PHF3: variants seen among roughly 807,000 people sequenced by gnomAD.
PHF3 encodes PHD finger protein 3.
A neutral mutation model predicts 178.4 loss-of-function variants in PHF3; 41 were observed. The observed-to-expected ratio is 0.23, with a 90% CI of 0.18 to 0.30. The LOEUF (loss-of-function observed/expected upper bound fraction) is 0.30. Ranked by LOEUF, PHF3 falls within the 10% of genes least tolerant of loss-of-function variation. PHF3 has a pLI of 1.00. For missense variants in PHF3, 2,346 were observed against 2,398.1 expected (o/e 0.98, Z 0.45); for synonymous variants, 842 against 800.5 (o/e 1.05, Z -0.88).
rs1195516155 is a variant in PHF3, at chr6:63,720,407, A to G, written c.*6699A>G. On this transcript the variant is annotated 3_prime_UTR_variant, in exon 16 of 16. Coordinates refer to ENST00000262043, the MANE Select transcript of PHF3 (RefSeq NM_001370348.2). ...CATGAATCAAAATATATACAGATAA[A>G]TTAGATGTAGGAAAAACAATCAGAA... 1.9e-6 allele frequency: 1 copy of G among 519,114 alleles called. No individual in the cohort carries two copies. The highest frequency in any genetic ancestry group is 3.3e-6 in the Non-Finnish European group (1 of 300,358). 32.2% of individuals were successfully genotyped at this position (519,114 alleles called of 1,614,324 possible).
At chr6:63,681,868 G>A (rs1386142638) in intron 3 of PHF3, among the ~76,000 whole-genome samples, 2 of 152,044 alleles carry the variant, frequency 1.3e-5, no homozygotes, top group African/African-American at 2.4e-5. Context: ...TTCTAAGTGT[G>A]GGGATTGGGT....
In PHF3 at chr6:63,716,093, T is replaced by G. The variant is rs1054737275; in HGVS notation, c.*2385T>G. Among the ~76,000 whole-genome samples, 8 of 152,138 alleles carry G rather than the reference T, an allele frequency of 5.3e-5. No individual in the cohort carries two copies. Among genetic ancestry groups the G allele is most frequent in the Non-Finnish European group, 8.8e-5 (6 of 68,014 alleles). On this transcript the variant is annotated 3_prime_UTR_variant, in exon 16 of 16. Coordinates refer to ENST00000262043, the MANE Select transcript of PHF3 (RefSeq NM_001370348.2). ...TAATCTTTGTGGCAATCAGAAAGCC[T>G]CCTTGAGCCCTCTGTAAGGCATCCC...
chr6:63,676,749 G>A (rs1766181841), intron 2 of PHF3, among the ~76,000 whole-genome samples: 1 of 152,186 alleles, frequency 6.6e-6, no homozygotes, highest in Admixed American at 6.5e-5. Context: ...ATATTAACGT[G>A]ATCTGACTTA....
intron 2 of PHF3, among the ~76,000 whole-genome samples, chr6:63,670,344 C>CTTTCAG (rs1432975118): frequency 6.6e-6 from 1 of 152,210 alleles, no homozygotes; most frequent in African/African-American, 2.4e-5. Context: ...TCTCGGCTCA[C>CTTTCAG]TGAAAGCTCT....
chr6:63,656,034 A>G (rs1020157651), intron 2 of PHF3, among the ~76,000 whole-genome samples: 4 of 152,252 alleles, frequency 2.6e-5, no homozygotes, highest in South Asian at 2.1e-4. Flanking sequence ...AAAAGTAACA[A>G]TTGAACTCAG....
intron 1 of PHF3, among the ~76,000 whole-genome samples, chr6:63,639,691 C>T (rs560540441): frequency 5.9e-5 from 9 of 152,142 alleles, no homozygotes; most frequent in East Asian, 1.9e-4. Flanking sequence ...TCAGTTTGCT[C>T]TAAAGAGAAA....
intron 3 of PHF3, among the ~76,000 whole-genome samples, 164 bp from the exon 4 acceptor site, chr6:63,683,965 T>C (rs1319854842): frequency 6.6e-6 from 1 of 152,134 alleles, no homozygotes; most frequent in East Asian, 1.9e-4. Flanking sequence ...AAATTATATA[T>C]ATGTGTATAT....
chr6:63,676,119 CTGTT>C (rs1325288663), intron 2 of PHF3, among the ~76,000 whole-genome samples: 1 of 152,204 alleles, frequency 6.6e-6, no homozygotes, highest in East Asian at 1.9e-4. Context: ...TCCAACTTCT[CTGTT>C]TGGTCAATAG....
intron 14 of PHF3, among the ~76,000 whole-genome samples, chr6:63,709,573 T>C (rs1029380153): frequency 6.6e-6 from 1 of 152,070 alleles, no homozygotes; most frequent in Non-Finnish European, 1.5e-5. Flanking sequence ...AGCTAAGCTA[T>C]TGCAAAAAAG....
chr6:63,700,450 G>T lies in PHF3; in HGVS notation c.3083G>T (p.Arg1028Leu), dbSNP rs781339879. The T allele has an allele frequency of 1.9e-6, 3 of 1,569,318 alleles. No homozygotes were observed. The African/African-American group carries it at 4.1e-5, about 21-fold the overall frequency. The change falls in exon 9 of 16, where the codon CGA (arginine) becomes CTA (leucine). Residue 1028 changes from arginine (R) to leucine (L), a missense_variant. Transcript: ENST00000262043. Reference protein sequence around the residue: ...LASKELAAWRRRENRHTIEMI... With the variant: ...LASKELAAWRLRENRHTIEMI... The stretch of plus-strand genomic sequence containing the variant: ...TCTAAAGAGTTAGCTGCTTGGAGAC[G>T]AAGAGAAAACAGACATGTAAGATTA...
chr6:63,691,444 G>A (rs1454822185), intron 4 of PHF3, among the ~76,000 whole-genome samples: 1 of 152,050 alleles, frequency 6.6e-6, no homozygotes, highest in African/African-American at 2.4e-5. Flanking sequence ...TAGTATTCAA[G>A]ACTGACAAAG....
chr6:63,695,952 C>T (rs1457625893), intron 6 of PHF3, among the ~76,000 whole-genome samples: 1 of 152,116 alleles, frequency 6.6e-6, no homozygotes. Flanking sequence ...GCTGATGAGT[C>T]TGGAGCCTAT....
rs953294527 is a variant in PHF3 at position 63,702,701 on chromosome 6, G to C, written c.3231+62G>C. ...ATGAAGATTCAGAAAAGGTTTATTT[G>C]CCTAATGTTTTTAAAGTAGAGAAAA... On this transcript the variant is annotated intron_variant, in intron 10 of 15. Transcript: ENST00000262043. 6 of 1,479,444 alleles carry C rather than the reference G, an allele frequency of 4.1e-6. No homozygotes were observed. In the African/African-American group the frequency reaches 8.5e-5, roughly 21 times the overall value. The allele number at this position is 1,479,444 out of a possible 1,614,324, so 91.6% of individuals were successfully genotyped here. A position where few individuals can be genotyped will look rare whatever the true frequency, so the allele number is the denominator to read the frequency against.
In PHF3 at chr6:63,685,589, A is replaced by G. The variant is rs759502703; in HGVS notation, c.1867A>G (p.Ser623Gly). 3 of 1,614,064 alleles carry G rather than the reference A, an allele frequency of 1.9e-6. No individual in the cohort carries two copies. Among genetic ancestry groups the G allele is most frequent in the African/African-American group, 1.3e-5 (1 of 74,928 alleles). Residue 623 changes from serine to glycine, a missense_variant, in exon 4 of 16, where the codon AGC becomes GGC. Coordinates refer to ENST00000262043, the MANE Select transcript of PHF3 (RefSeq NM_001370348.2). ...PAQTGHVSHSSQKQCHKPQQQ... is the reference protein window; with the variant it reads ...PAQTGHVSHSGQKQCHKPQQQ... ...ACAAACTGGACATGTATCACATTCT[A>G]GCCAGAAACAGTGTCATAAGCCTCA...
intron 2 of PHF3, among the ~76,000 whole-genome samples, chr6:63,658,708 T>TTGTGTGTGTGTG (rs3071174): frequency 1.4e-4 from 20 of 145,216 alleles, no homozygotes; most frequent in Non-Finnish European, 2.4e-4. Flanking sequence ...CCAATAGATT[T>TTGTGTGTGTGTG]TGTGTGTGTG....
intron 2 of PHF3, among the ~76,000 whole-genome samples, chr6:63,649,294 T>G (rs1764923818): frequency 6.6e-6 from 1 of 152,114 alleles, no homozygotes; most frequent in Admixed American, 6.6e-5. Context: ...GACAGGAACT[T>G]TCAGCTATTT....
rs1768452195 is a variant in PHF3 at position 63,722,725 on chromosome 6, C to A, written c.*9017C>A. Among the ~76,000 whole-genome samples, 1 of 152,204 alleles carries A rather than the reference C, an allele frequency of 6.6e-6. No homozygotes were observed. Among genetic ancestry groups the A allele is most frequent in the South Asian group, 2.1e-4 (1 of 4,832 alleles). On this transcript the variant is annotated 3_prime_UTR_variant, in exon 16 of 16. Coordinates refer to ENST00000262043, the MANE Select transcript of PHF3 (RefSeq NM_001370348.2). ...GGATATTCGGCATTATGCTACACTA[C>A]TTCTTCCTCCCTCCAGAGTGCCTAT...
rs1352666680 is a variant in PHF3 at position 63,723,393 on chromosome 6, T to C, written c.*9685T>C. The stretch of plus-strand genomic sequence containing the variant: ...AATTTATAGCAACCTAAATATACTT[T>C]GTGGCCTGCAAGTGAACACAAACCA... On this transcript the variant is annotated 3_prime_UTR_variant, in exon 16 of 16. Transcript: ENST00000262043. Among the ~76,000 whole-genome samples, 1 of 152,192 alleles carries C rather than the reference T, an allele frequency of 6.6e-6. No homozygotes were observed. The highest frequency in any genetic ancestry group is 1.5e-5 in the Non-Finnish European group (1 of 68,034).
In PHF3 at chr6:63,720,841, G is replaced by C; in HGVS notation, c.*7133G>C. ...GGATCAATATCCTCGGAAAGAATTAGACTGTTATTTATGTAGGCCTTGATA... is the reference window on the plus strand; with the variant it reads ...GGATCAATATCCTCGGAAAGAATTACACTGTTATTTATGTAGGCCTTGATA... On this transcript the variant is annotated 3_prime_UTR_variant, in exon 16 of 16. Coordinates refer to ENST00000262043, the MANE Select transcript of PHF3 (RefSeq NM_001370348.2). The C allele has an allele frequency of 1.3e-6, 2 of 1,551,164 alleles. No individual in the cohort carries two copies. The highest frequency in any genetic ancestry group is 1.7e-6 in the Non-Finnish European group (2 of 1,146,684).
Sources: allele counts gnomAD v4.1 joint callset (sites outside exome capture counted in the v4.1 genomes callset), GRCh38; gene constraint gnomAD v4.1.1; transcripts MANE v1.5; gene names NCBI Gene and HGNC (gene_info 2026-07-23, HGNC 2026-07-21).